The following ATP8B4 variants were observed in gnomAD, a reference collection of about 807,000 sequenced individuals.
The protein encoded by ATP8B4 is ATPase phospholipid transporting 8B4 (putative).
Under a neutral mutation model 145.6 loss-of-function variants are expected in ATP8B4, and 133 were observed. That is an observed-to-expected ratio of 0.91 (90% CI 0.79 to 1.05). The LOEUF is 1.05. ATP8B4 is among the 50% of genes least tolerant of loss of function. The pLI, the probability that ATP8B4 is intolerant of heterozygous loss-of-function variation, is 0.00. For synonymous variants in ATP8B4, 507 were observed against 492.9 expected, an observed-to-expected ratio of 1.03 and a Z score of -0.38; for missense variants, 1,458 against 1,425.2, an observed-to-expected ratio of 1.02 and a Z score of -0.37.
At chr15:49,922,209 T>A in intron 17 of ATP8B4, 1 of 183,232 alleles carries the variant, frequency 5.5e-6, no homozygotes, top group South Asian at 9.1e-5. Context: ...AAAGAGCAAG[T>A]TAAATTTATA....
intron 4 of ATP8B4, 119 bp from the exon 5 acceptor site, chr15:50,044,811 T>A (rs1424352918): frequency 5.0e-6 from 3 of 601,284 alleles, no homozygotes; most frequent in Non-Finnish European, 8.5e-6. Context: ...AAATGGAGAA[T>A]GACTTTCAAT....
chr15:50,020,354 C>T (rs541852593), intron 6 of ATP8B4, among the ~76,000 whole-genome samples: 16 of 151,214 alleles, frequency 1.1e-4, no homozygotes, highest in South Asian at 6.3e-4. Context: ...ACTGCAACAT[C>T]CACTTCCCAG....
At chr15:50,049,753 T>C (rs543774621) in intron 3 of ATP8B4, among the ~76,000 whole-genome samples, 1 of 152,352 alleles carries the variant, frequency 6.6e-6, no homozygotes, top group South Asian at 2.1e-4. Context: ...GCTGAACTTA[T>C]TTACACTCCT....
At chr15:50,154,010 C>G (rs1370035702) in intron 1 of ATP8B4, among the ~76,000 whole-genome samples, 1 of 152,066 alleles carries the variant, frequency 6.6e-6, no homozygotes, top group Non-Finnish European at 1.5e-5. Flanking sequence ...TTTTAATATC[C>G]AAGCTCAATC....
intron 3 of ATP8B4, among the ~76,000 whole-genome samples, chr15:50,049,598 G>A (rs2052013819): frequency 6.6e-6 from 1 of 152,154 alleles, no homozygotes. Context: ...TGTAAATAGT[G>A]CCGTAATGAA....
chr15:49,936,735 T>G (rs900803695), intron 14 of ATP8B4, among the ~76,000 whole-genome samples: 6 of 151,240 alleles, frequency 4.0e-5, no homozygotes, highest in African/African-American at 1.5e-4. Flanking sequence ...TTTTTGGTTG[T>G]TTGTTTGTTT....
chr15:49,928,653 T>G (rs1015153997), intron 16 of ATP8B4, among the ~76,000 whole-genome samples: 5 of 151,912 alleles, frequency 3.3e-5, no homozygotes, highest in Admixed American at 1.3e-4. Context: ...GATATTACAA[T>G]AATACAAGCA....
At chr15:49,865,834 G>C (rs2032700818) in intron 26 of ATP8B4, among the ~76,000 whole-genome samples, 1 of 152,184 alleles carries the variant, frequency 6.6e-6, no homozygotes, top group Admixed American at 6.5e-5. Flanking sequence ...CTTGAACCCT[G>C]ACTGACTAAC....
chr15:49,991,331 T>C (rs963857864), intron 9 of ATP8B4, among the ~76,000 whole-genome samples: 4 of 152,198 alleles, frequency 2.6e-5, no homozygotes, highest in Non-Finnish European at 5.9e-5. Context: ...TTAACAGTCA[T>C]ACAAAATATG....
At chr15:49,955,717 CTA>C (rs2043503691) in intron 14 of ATP8B4, among the ~76,000 whole-genome samples, 1 of 152,098 alleles carries the variant, frequency 6.6e-6, no homozygotes, top group Admixed American at 6.6e-5. Flanking sequence ...TCCTGTCATG[CTA>C]CAATATGGAT....
At chr15:49,961,622 C>T (rs76005245) in intron 14 of ATP8B4, among the ~76,000 whole-genome samples, 1,934 of 152,068 alleles carry the variant, frequency 0.013, 48 homozygotes, top group African/African-American at 0.045. Context: ...CGAGAAAGTA[C>T]TTTTTTAAAA....
In ATP8B4 at chr15:49,901,137, T is replaced by C. The variant is rs749483774; in HGVS notation, c.2244A>G (p.Glu748=). Residue 748 remains glutamate (E), a synonymous_variant, in exon 21 of 28, where the codon GAA becomes GAG. Coordinates refer to ENST00000284509, the MANE Select transcript of ATP8B4 (RefSeq NM_024837.4). ...TTAAGGCATAATCTCCTGTTATGGT[T>C]TCTTCTACAATAGAATCCAACTCCA... ...QQLELDSIVE[E]TITGDYALII... 9.3e-6 allele frequency: 15 copies of C among 1,613,554 alleles called. No individual in the cohort carries two copies. In the African/African-American group the frequency reaches 1.9e-4, roughly 20 times the overall value.
At chr15:50,107,885 T>G (rs2056760142) in intron 1 of ATP8B4, among the ~76,000 whole-genome samples, 1 of 152,072 alleles carries the variant, frequency 6.6e-6, no homozygotes, top group Non-Finnish European at 1.5e-5. Context: ...CAGAGGAAGT[T>G]CATCAACACG....
At chr15:50,046,878 TA>T (rs2051765777) in intron 4 of ATP8B4, among the ~76,000 whole-genome samples, 1 of 152,188 alleles carries the variant, frequency 6.6e-6, no homozygotes, top group Non-Finnish European at 1.5e-5. Flanking sequence ...ACTGTAAAAG[TA>T]GTCACCTACA....
At position 49,920,303 on chromosome 15, in the gene ATP8B4, T is replaced by C. The variant is rs144670903; in HGVS notation, c.1866A>G (p.Thr622=). Residue 622 remains threonine (T), a synonymous_variant, in exon 18 of 28, where the codon ACA becomes ACG. Coordinates refer to ENST00000284509, the MANE Select transcript of ATP8B4 (RefSeq NM_024837.4). ...HKMLEDANAA[T]EERDERIAGL... The stretch of plus-strand genomic sequence containing the variant: ...CAGCTATTCGTTCATCCCTCTCTTC[T>C]GTGGCAGCATTCGCATCTTCAAGCA... 3.7e-5 allele frequency: 60 copies of C among 1,614,126 alleles called. No homozygotes were observed. The African/African-American group carries it at 7.7e-4, about 21-fold the overall frequency.
intron 2 of ATP8B4, among the ~76,000 whole-genome samples, chr15:50,099,098 G>A (rs2056181655): frequency 6.6e-6 from 1 of 152,058 alleles, no homozygotes; most frequent in Non-Finnish European, 1.5e-5. Context: ...GCAGTAATGT[G>A]TTCTGGCTCC....
At chr15:50,113,624 AG>A (rs955624372) in intron 1 of ATP8B4, among the ~76,000 whole-genome samples, 3 of 152,106 alleles carry the variant, frequency 2.0e-5, no homozygotes, top group African/African-American at 7.2e-5. Context: ...GGATCACCTG[AG>A]GTCAGGAGTT....
intron 20 of ATP8B4, among the ~76,000 whole-genome samples, chr15:49,914,919 A>G (rs1227458754): frequency 6.6e-6 from 1 of 152,192 alleles, no homozygotes; most frequent in Non-Finnish European, 1.5e-5. Context: ...AAAAACTAAA[A>G]ATAGAACTAC....
At chr15:50,158,651 G>C (rs921908167) in intron 1 of ATP8B4, among the ~76,000 whole-genome samples, 1 of 152,242 alleles carries the variant, frequency 6.6e-6, no homozygotes, top group Non-Finnish European at 1.5e-5. Flanking sequence ...TGGCGGTTTT[G>C]TGGAATAGAA....
Sources: gnomAD v4.1 joint callset for allele counts (sites outside exome capture counted in the v4.1 genomes callset) on GRCh38, gnomAD v4.1.1 for gene constraint, MANE v1.5 for transcripts, NCBI Gene and HGNC (gene_info 2026-07-23, HGNC 2026-07-21) for gene names.